Variants in CNTNAP5 observed in about 807,000 individuals in gnomAD.
CNTNAP5 encodes contactin associated protein family member 5.
CNTNAP5 carries 72 observed loss-of-function variants against 150.2 expected under a neutral mutation model. The ratio of observed to expected loss-of-function variants is 0.48; its 90% CI spans 0.40 to 0.58. CNTNAP5 has a LOEUF of 0.58. Among genes scored for constraint, CNTNAP5 ranks in the 20% least tolerant of loss-of-function variants. The pLI, the probability that CNTNAP5 is intolerant of heterozygous loss-of-function variation, is 0.00. For missense variants in CNTNAP5, 1,636 were observed against 1,626.2 expected (o/e 1.01, Z -0.10); for synonymous variants, 672 against 619.8 (o/e 1.08, Z -1.25).
chr2:124,382,193 C>T (rs1455349114), intron 3 of CNTNAP5, among the ~76,000 whole-genome samples: 1 of 152,094 alleles, frequency 6.6e-6, no homozygotes, highest in Non-Finnish European at 1.5e-5. Context: ...GCTGGCCCTT[C>T]CTGCTAGAAT....
intron 7 of CNTNAP5, among the ~76,000 whole-genome samples, chr2:124,489,686 C>T (rs1693973394): frequency 1.3e-5 from 2 of 152,140 alleles, no homozygotes; most frequent in South Asian, 4.1e-4. Context: ...ATGAAGTAGT[C>T]AGGTATCCAG....
At chr2:124,875,299 T>C (rs949681310) in intron 21 of CNTNAP5, among the ~76,000 whole-genome samples, 1 of 152,126 alleles carries the variant, frequency 6.6e-6, no homozygotes, top group East Asian at 1.9e-4. Context: ...AGGTGTGTAC[T>C]TCAAAATGCT....
At chr2:124,696,546 CCTGT>C (rs1390367039) in intron 13 of CNTNAP5, among the ~76,000 whole-genome samples, 1 of 152,090 alleles carries the variant, frequency 6.6e-6, no homozygotes, top group East Asian at 1.9e-4. Flanking sequence ...CTACTCGGTG[CCTGT>C]CTAAGTCACT....
At chr2:124,164,668 A>G (rs1474483274) in intron 1 of CNTNAP5, among the ~76,000 whole-genome samples, 1 of 152,168 alleles carries the variant, frequency 6.6e-6, no homozygotes, top group Non-Finnish European at 1.5e-5. Context: ...ACGGAAGAGA[A>G]AGGCAGAAAG....
chr2:124,598,687 CGGCTG>C (rs1281062511), intron 11 of CNTNAP5, among the ~76,000 whole-genome samples: 1 of 151,066 alleles, frequency 6.6e-6, no homozygotes, highest in Non-Finnish European at 1.5e-5. Flanking sequence ...TTGAGCTTCC[CGGCTG>C]CTTTGTTTAC....
intron 19 of CNTNAP5, among the ~76,000 whole-genome samples, chr2:124,847,580 G>A (rs560893373): frequency 6.9e-4 from 105 of 152,272 alleles, no homozygotes; most frequent in Non-Finnish European, 1.3e-3. Context: ...CAGGCTTTTG[G>A]TATCTCAGGG....
intron 3 of CNTNAP5, among the ~76,000 whole-genome samples, chr2:124,296,573 A>G (rs1389050967): frequency 6.6e-6 from 1 of 152,168 alleles, no homozygotes; most frequent in Admixed American, 6.5e-5. Context: ...TGGTCATGAT[A>G]CACCACACTT....
At chr2:124,766,840 A>G (rs1162089626) in intron 16 of CNTNAP5, among the ~76,000 whole-genome samples, 1 of 152,196 alleles carries the variant, frequency 6.6e-6, no homozygotes, top group Admixed American at 6.5e-5. Flanking sequence ...GTATTTTAGA[A>G]TTACATTTGA....
intron 13 of CNTNAP5, among the ~76,000 whole-genome samples, chr2:124,711,694 A>G (rs1255285934): frequency 6.6e-6 from 1 of 152,128 alleles, no homozygotes; most frequent in African/African-American, 2.4e-5. Context: ...ACAAAAAATT[A>G]GCCAGGCAGG....
intron 11 of CNTNAP5, among the ~76,000 whole-genome samples, chr2:124,587,796 A>G (rs1174090228): frequency 6.6e-6 from 1 of 152,208 alleles, no homozygotes; most frequent in Non-Finnish European, 1.5e-5. Flanking sequence ...TCGGAGCAGA[A>G]TTATTGAATA....
At chr2:124,376,978 G>A (rs1312402130) in intron 3 of CNTNAP5, among the ~76,000 whole-genome samples, 1 of 152,060 alleles carries the variant, frequency 6.6e-6, no homozygotes. Flanking sequence ...AGGTTTTGGG[G>A]ATGTGAGCCT....
chr2:124,322,829 C>T lies in CNTNAP5; in HGVS notation c.381+80436C>T, dbSNP rs76087193. Among the ~76,000 whole-genome samples, 285 of 152,318 alleles carry T rather than the reference C, an allele frequency of 1.9e-3. 7 individuals carry two copies. The East Asian group carries it at 0.045, about 24-fold the overall frequency. On this transcript the variant is annotated intron_variant, in intron 3 of 23. Transcript: ENST00000682447. ...CCTCACCAGGCAGAACTACTGTCTA[C>T]TTGCAGTCCTCATGCTGCCTCTCTA... is the stretch of plus-strand genomic sequence containing the variant.
At chr2:124,376,182 T>C (rs762596888) in intron 3 of CNTNAP5, among the ~76,000 whole-genome samples, 6 of 152,050 alleles carry the variant, frequency 3.9e-5, no homozygotes, top group South Asian at 2.1e-4. Flanking sequence ...ATATAGAAAA[T>C]GAAAGATGCT....
chr2:124,057,263 C>T (rs991696317), intron 1 of CNTNAP5, among the ~76,000 whole-genome samples: 5 of 146,272 alleles, frequency 3.4e-5, no homozygotes, highest in East Asian at 2.0e-4. Context: ...TCCCCTACAT[C>T]GAATAAATTA....
At chr2:124,619,763 T>C (rs1435976070) in intron 12 of CNTNAP5, among the ~76,000 whole-genome samples, 2 of 149,586 alleles carry the variant, frequency 1.3e-5, no homozygotes, top group Admixed American at 6.7e-5. Context: ...TCTGCCAGCT[T>C]CCCCTGCAGA....
intron 10 of CNTNAP5, among the ~76,000 whole-genome samples, chr2:124,555,767 G>T (rs905411379): frequency 2.6e-5 from 4 of 152,168 alleles, no homozygotes; most frequent in Non-Finnish European, 5.9e-5. Flanking sequence ...CAAGAGCAGG[G>T]CAGGGGCAAA....
At chr2:124,703,574 T>C (rs1349504194) in intron 13 of CNTNAP5, among the ~76,000 whole-genome samples, 1 of 152,174 alleles carries the variant, frequency 6.6e-6, no homozygotes, top group African/African-American at 2.4e-5. Flanking sequence ...AGTCAACCCT[T>C]AGCACATCGC....
intron 13 of CNTNAP5, among the ~76,000 whole-genome samples, chr2:124,705,956 A>C (rs773693837): frequency 2.0e-5 from 3 of 151,902 alleles, no homozygotes; most frequent in Non-Finnish European, 2.9e-5. Context: ...TTTCTCCTTC[A>C]CTCTAGGCCT....
chr2:124,382,874 A>G (rs1360502023), intron 3 of CNTNAP5, among the ~76,000 whole-genome samples: 1 of 152,222 alleles, frequency 6.6e-6, no homozygotes, highest in Admixed American at 6.5e-5. Flanking sequence ...TCTAAAGGAA[A>G]AACAAGATGT....
Sources: allele counts gnomAD v4.1 joint callset (sites outside exome capture counted in the v4.1 genomes callset), GRCh38; gene constraint gnomAD v4.1.1; transcripts MANE v1.5; gene names NCBI Gene and HGNC (gene_info 2026-07-23, HGNC 2026-07-21).